Variants in SHQ1 observed in about 807,000 individuals in gnomAD.
SHQ1 encodes SHQ1, H/ACA ribonucleoprotein assembly factor.
SHQ1 carries 49 observed loss-of-function variants against 53.8 expected under a neutral mutation model. That is an observed-to-expected ratio of 0.91 (90% CI 0.72 to 1.16). The LOEUF (loss-of-function observed/expected upper bound fraction) is 1.16. Among genes scored for constraint, SHQ1 ranks in the 50% most tolerant of loss-of-function variants. SHQ1 has a pLI of 0.00. For missense variants in SHQ1, 738 were observed against 683.1 expected (o/e 1.08, Z -0.90); for synonymous variants, 243 against 251.0 (o/e 0.97, Z 0.30).
intron 4 of SHQ1, among the ~76,000 whole-genome samples, chr3:72,835,473 A>C (rs1341242918): frequency 1.3e-5 from 2 of 152,122 alleles, no homozygotes; most frequent in African/African-American, 4.8e-5. Flanking sequence ...TAAAACACAG[A>C]CTTACATGTT....
intron 9 of SHQ1, among the ~76,000 whole-genome samples, chr3:72,805,190 G>A (rs1706902043): frequency 1.3e-5 from 2 of 152,132 alleles, no homozygotes; most frequent in South Asian, 2.1e-4. Context: ...AGAAAATAAA[G>A]ACACAGTAAT....
the SHQ1 span, among the ~76,000 whole-genome samples, chr3:72,739,212 C>G: frequency 6.6e-6 from 1 of 152,206 alleles, no homozygotes; most frequent in South Asian, 2.1e-4. Context: ...TGTGTACAAA[C>G]GAAGCCGTGT....
chr3:72,754,980 T>C (rs1705469415), intron 10 of SHQ1, among the ~76,000 whole-genome samples: 1 of 152,214 alleles, frequency 6.6e-6, no homozygotes, highest in Non-Finnish European at 1.5e-5. Context: ...ACAGATATTG[T>C]GTCCTGTCTT....
chr3:72,742,723 C>G, the SHQ1 span, among the ~76,000 whole-genome samples: 1 of 149,758 alleles, frequency 6.7e-6, no homozygotes, highest in Admixed American at 6.7e-5. Context: ...TTCAAGCGTT[C>G]AAGCGATTCT....
At chr3:72,739,412 TG>T in the SHQ1 span, among the ~76,000 whole-genome samples, 1 of 152,148 alleles carries the variant, frequency 6.6e-6, no homozygotes, top group Non-Finnish European at 1.5e-5. Flanking sequence ...GGGGTGACCT[TG>T]AGAGACTCAG....
intron 10 of SHQ1, among the ~76,000 whole-genome samples, chr3:72,765,557 A>ATAT (rs1491527508): frequency 1.9e-4 from 11 of 57,184 alleles, no homozygotes; most frequent in East Asian, 9.6e-4. Flanking sequence ...ATATATATAT[A>ATAT]TTTTTTTTTT....
chr3:72,738,852 C>A, the SHQ1 span, among the ~76,000 whole-genome samples: 1 of 152,166 alleles, frequency 6.6e-6, no homozygotes, highest in Non-Finnish European at 1.5e-5. Flanking sequence ...CTGCCCTGGG[C>A]CCCGCCCCGC....
chr3:72,840,309 A>G (rs979793307), intron 4 of SHQ1, among the ~76,000 whole-genome samples: 17 of 151,652 alleles, frequency 1.1e-4, no homozygotes, highest in African/African-American at 3.9e-4. Context: ...CATGCCTATA[A>G]TCCCAGAACT....
intron 8 of SHQ1, among the ~76,000 whole-genome samples, chr3:72,813,407 A>C (rs1258287933): frequency 2.1e-5 from 3 of 145,214 alleles, no homozygotes; most frequent in South Asian, 2.4e-4. Flanking sequence ...CAGAGGCTGC[A>C]GTGAGTCAAG....
At chr3:72,789,101 AAAAT>A (rs1414045310) in intron 10 of SHQ1, among the ~76,000 whole-genome samples, 4 of 152,168 alleles carry the variant, frequency 2.6e-5, no homozygotes, top group Non-Finnish European at 4.4e-5. Context: ...AAAAAAAAGA[AAAAT>A]AAACTTGTTA....
intron 8 of SHQ1, among the ~76,000 whole-genome samples, chr3:72,813,830 CT>C (rs931930903): frequency 0.035 from 3,760 of 108,106 alleles, 91 homozygotes; most frequent in African/African-American, 0.11. Context: ...TCCTCTTTTT[CT>C]TTTTTTTTTT....
chr3:72,763,067 A>ACACT (rs1559661743), intron 10 of SHQ1, among the ~76,000 whole-genome samples: 1 of 139,070 alleles, frequency 7.2e-6, no homozygotes, highest in African/African-American at 3.0e-5. Context: ...ACACACAGAG[A>ACACT]GAGAGAGAGA....
Position 72,824,554 on chromosome 3 carries a change from AG to A in SHQ1, c.600-4del. On this transcript the variant is annotated splice_polypyrimidine_tract_variant and splice_region_variant and intron_variant, in intron 5 of 10. Transcript: ENST00000325599. The stretch of plus-strand genomic sequence containing the variant: ...CCTCATCTTCAAAAAAGTCAGCTCT[AG>A]GAAAAAACATTGAAAGAACTTACTA... 1 of 1,606,646 alleles carries A rather than the reference AG, an allele frequency of 6.2e-7. No individual in the cohort carries two copies. The highest frequency in any genetic ancestry group is 1.3e-5 in the African/African-American group (1 of 74,550).
chr3:72,823,523 A>T (rs1194914592), intron 6 of SHQ1, among the ~76,000 whole-genome samples: 1 of 152,226 alleles, frequency 6.6e-6, no homozygotes, highest in Non-Finnish European at 1.5e-5. Flanking sequence ...CACCAGTAGT[A>T]AACAGCCCAA....
chr3:72,808,852 C>T (rs185404536), intron 9 of SHQ1, among the ~76,000 whole-genome samples: 4 of 152,194 alleles, frequency 2.6e-5, no homozygotes, highest in African/African-American at 9.6e-5. Context: ...TAAAGAGATG[C>T]TAACCTCTCT....
chr3:72,836,825 T>C (rs1708013925), intron 4 of SHQ1, among the ~76,000 whole-genome samples: 2 of 152,180 alleles, frequency 1.3e-5, no homozygotes, highest in African/African-American at 4.8e-5. Flanking sequence ...CTATGGCCAC[T>C]AGTTATTAGA....
the SHQ1 span, among the ~76,000 whole-genome samples, chr3:72,737,309 A>T: frequency 6.6e-6 from 1 of 151,988 alleles, no homozygotes; most frequent in African/African-American, 2.4e-5. Flanking sequence ...TTAATTAATT[A>T]AAAAGGTACT....
intron 6 of SHQ1, among the ~76,000 whole-genome samples, chr3:72,822,319 G>A (rs1225845862): frequency 6.6e-6 from 1 of 152,040 alleles, no homozygotes; most frequent in Non-Finnish European, 1.5e-5. Flanking sequence ...TGCAGACTAT[G>A]ACTGTTCCTG....
intron 10 of SHQ1, among the ~76,000 whole-genome samples, chr3:72,759,517 C>A (rs1705569179): frequency 6.6e-6 from 1 of 152,096 alleles, no homozygotes; most frequent in Non-Finnish European, 1.5e-5. Context: ...ATGGGGAAAT[C>A]CTGTCTCTAC....
Sources: gnomAD v4.1 joint callset for allele counts (sites outside exome capture counted in the v4.1 genomes callset) on GRCh38, gnomAD v4.1.1 for gene constraint, MANE v1.5 for transcripts, NCBI Gene and HGNC (gene_info 2026-07-23, HGNC 2026-07-21) for gene names.